Variants in NFATC2 observed in about 807,000 individuals in gnomAD.
The protein encoded by NFATC2 is nuclear factor of activated T-cells, cytoplasmic 2.
Under a neutral mutation model 87.3 loss-of-function variants are expected in NFATC2, and 22 were observed. That is an observed-to-expected ratio of 0.25 (90% CI 0.18 to 0.36). NFATC2 has a LOEUF of 0.36. Ranked by LOEUF, NFATC2 falls within the 10% of genes least tolerant of loss-of-function variation. The pLI, the probability that NFATC2 is intolerant of heterozygous loss-of-function variation, is 1.00. For missense variants in NFATC2, 1,149 were observed against 1,259.1 expected, an observed-to-expected ratio of 0.91 and a Z score of 1.32; for synonymous variants, 565 against 542.2, an observed-to-expected ratio of 1.04 and a Z score of -0.58.
chr20:51,472,629 C>CTTTTTTTTTTTTTTTTT (rs1223762055), intron 5 of NFATC2, among the ~76,000 whole-genome samples: 1 of 92,734 alleles, frequency 1.1e-5, no homozygotes, highest in African/African-American at 4.4e-5. Context: ...CTTCTTTCTT[C>CTTTTTTTTTTTTTTTTT]TTTTTTTTTT....
Position 51,428,711 on chromosome 20 carries a change from G to C in NFATC2, c.2722+3356C>G, listed in dbSNP as rs192700084. 3.3e-5 allele frequency among the ~76,000 whole-genome samples: 5 copies of C among 152,302 alleles called. No homozygotes were observed. In the East Asian group the frequency reaches 9.7e-4, roughly 29 times the overall value. ...AAAGATGGTTTGTTTGCACTTGTGC[G>C]GGGGAGGGAGGACCTGTGTGTCCAC... On this transcript the variant is annotated intron_variant, in intron 9 of 10. Transcript: ENST00000371564.
chr20:51,549,033 C>G (rs927776010), intron 1 of NFATC2, among the ~76,000 whole-genome samples: 1 of 152,166 alleles, frequency 6.6e-6, no homozygotes, highest in African/African-American at 2.4e-5. Context: ...GTGGTGCACA[C>G]CTGTAGTTCC....
chr20:51,537,160 G>A (rs778776456), intron 1 of NFATC2, among the ~76,000 whole-genome samples: 215 of 151,816 alleles, frequency 1.4e-3, no homozygotes, highest in Non-Finnish European at 2.4e-3. Context: ...TTAGGGAATG[G>A]GACACAGAAG....
intron 5 of NFATC2, among the ~76,000 whole-genome samples, chr20:51,465,250 GC>G (rs1488995425): frequency 1.3e-5 from 2 of 152,050 alleles, no homozygotes; most frequent in East Asian, 3.9e-4. Flanking sequence ...TAGCCAGGTG[GC>G]CTCCTGTAGT....
intron 9 of NFATC2, among the ~76,000 whole-genome samples, chr20:51,430,518 A>G (rs1982546771): frequency 6.6e-6 from 1 of 152,242 alleles, no homozygotes; most frequent in African/African-American, 2.4e-5. Flanking sequence ...AAACGGATCA[A>G]TTATTAACAG....
intron 10 of NFATC2, among the ~76,000 whole-genome samples, chr20:51,397,204 C>T (rs981075457): frequency 1.3e-5 from 2 of 152,178 alleles, no homozygotes; most frequent in Non-Finnish European, 2.9e-5. Context: ...TCTTCTGTCT[C>T]AAAACTGAAA....
chr20:51,481,283 G>C (rs1989231986), intron 3 of NFATC2, among the ~76,000 whole-genome samples: 1 of 152,016 alleles, frequency 6.6e-6, no homozygotes, highest in Non-Finnish European at 1.5e-5. Flanking sequence ...CTACCCTTCA[G>C]GTTCCAAACT....
rs1202239233 is a variant in NFATC2 at position 51,492,857 on chromosome 20, G to A, written c.1333-17197C>T. 4.6e-5 allele frequency among the ~76,000 whole-genome samples: 7 copies of A among 152,264 alleles called. 1 individual carries two copies. In the East Asian group the frequency reaches 1.3e-3, roughly 29 times the overall value. On this transcript the variant is annotated intron_variant, in intron 3 of 10. Transcript: ENST00000371564. The stretch of plus-strand genomic sequence containing the variant: ...GTGAGCGCCGGCCGGGGCTGGGCCT[G>A]TCAAGGCCAAGCGTGTTCCTTTCAT...
At chr20:51,414,998 C>A (rs1979836339) in intron 9 of NFATC2, among the ~76,000 whole-genome samples, 1 of 151,816 alleles carries the variant, frequency 6.6e-6, no homozygotes, top group Non-Finnish European at 1.5e-5. Flanking sequence ...GCCTGTAATC[C>A]CAGCACTTTG....
chr20:51,394,511 T>G (rs543690394), intron 10 of NFATC2, among the ~76,000 whole-genome samples: 85 of 152,284 alleles, frequency 5.6e-4, no homozygotes, highest in Non-Finnish European at 7.9e-4. Context: ...ACAGCCTCCT[T>G]GGCAAAGCCC....
At position 51,454,690 on chromosome 20, in the gene NFATC2, T is replaced by C; in HGVS notation, c.1709-2A>G. ...GCAGCTCGTGAGCAGATCGCTGGGCTGCAGGCAAAAGAGAGAGAAGTCACT... is the reference window on the plus strand; with the variant it reads ...GCAGCTCGTGAGCAGATCGCTGGGCCGCAGGCAAAAGAGAGAGAAGTCACT... On this transcript the variant is annotated splice_acceptor_variant, in intron 5 of 10. Coordinates refer to ENST00000371564, the MANE Select transcript of NFATC2 (RefSeq NM_012340.5). LOFTEE classifies it high-confidence loss of function. The C allele has an allele frequency of 6.2e-7, 1 of 1,613,736 alleles. No homozygotes were observed. The highest frequency in any genetic ancestry group is 8.5e-7 in the Non-Finnish European group (1 of 1,179,922).
chr20:51,458,142 G>A (rs879665422), intron 5 of NFATC2, among the ~76,000 whole-genome samples: 42 of 152,194 alleles, frequency 2.8e-4, no homozygotes, highest in Non-Finnish European at 5.3e-4. Flanking sequence ...CTCCCGAAGT[G>A]TTGGGATTAT....
chr20:51,513,066 G>C (rs1352475614), intron 3 of NFATC2, among the ~76,000 whole-genome samples: 1 of 151,934 alleles, frequency 6.6e-6, no homozygotes, highest in Non-Finnish European at 1.5e-5. Context: ...TCAGTAATTA[G>C]CATGACTTAT....
intron 3 of NFATC2, among the ~76,000 whole-genome samples, chr20:51,497,879 G>A (rs1012704597): frequency 1.3e-5 from 2 of 152,072 alleles, no homozygotes; most frequent in Non-Finnish European, 2.9e-5. Context: ...TACACGCAAA[G>A]CTGCAGCCCC....
At chr20:51,404,943 C>T (rs932131012) in intron 9 of NFATC2, among the ~76,000 whole-genome samples, 1 of 152,188 alleles carries the variant, frequency 6.6e-6, no homozygotes, top group Non-Finnish European at 1.5e-5. Context: ...TTGGGGCTTA[C>T]GAGAAAGATG....
chr20:51,476,672 C>A (rs1988743879), intron 3 of NFATC2, among the ~76,000 whole-genome samples: 2 of 152,250 alleles, frequency 1.3e-5, no homozygotes, highest in African/African-American at 4.8e-5. Context: ...ATCTCTAGCA[C>A]CTAGAGTAAC....
Position 51,435,712 on chromosome 20 carries a change from G to A in NFATC2, c.1899C>T (p.Ser633=). ...EMEATVDKDK[S]QPNMLFVEIP... ...AGGTGCGTCACGTGCTTACGGGCTG[G>A]CTCTTGTCCTTATCCACCGTGGCTT... The change falls in exon 7 of 11, where the codon AGC becomes AGT. Residue 633 remains serine (S), a synonymous_variant. Coordinates refer to ENST00000371564, the MANE Select transcript of NFATC2 (RefSeq NM_012340.5). 6.2e-7 allele frequency: 1 copy of A among 1,609,736 alleles called. No individual in the cohort carries two copies. Among genetic ancestry groups the A allele is most frequent in the Non-Finnish European group, 8.5e-7 (1 of 1,178,000 alleles).
rs1006751572 is a variant in NFATC2, at chr20:51,562,366, A to C, written c.70+194T>G. On this transcript the variant is annotated intron_variant, in intron 1 of 10. Coordinates refer to the NFATC2 transcript ENST00000414705. This position sits in a 1 kb window ranked among gnomAD's most constrained non-coding sequence, Gnocchi z 5.8. ...AAAGTTGTCCAAAGTCGCCTTCCCA[A>C]GTGTCCCTTCCCTGGCCGGGGCGCG... Among the ~76,000 whole-genome samples, 1 of 152,156 alleles carries C rather than the reference A, an allele frequency of 6.6e-6. No homozygotes were observed. Among genetic ancestry groups the C allele is most frequent in the Admixed American group, 6.5e-5 (1 of 15,292 alleles).
At chr20:51,481,742 T>C (rs1158631826) in intron 3 of NFATC2, among the ~76,000 whole-genome samples, 3 of 152,066 alleles carry the variant, frequency 2.0e-5, no homozygotes, top group African/African-American at 7.2e-5. Context: ...CTCTGTCCCC[T>C]TGTCAACTCA....
Sources: gnomAD v4.1 joint callset for allele counts (sites outside exome capture counted in the v4.1 genomes callset) on GRCh38, gnomAD v4.1.1 for gene constraint, Gnocchi (gnomAD v3.1) non-coding constraint, MANE v1.5 for transcripts, NCBI Gene and HGNC (gene_info 2026-07-23, HGNC 2026-07-21) for gene names.